MYCBP2: variants seen among roughly 807,000 people sequenced by gnomAD.
MYCBP2 encodes the protein E3 ubiquitin-protein ligase MYCBP2.
A neutral mutation model predicts 525.3 loss-of-function variants in MYCBP2; 120 were observed. That is an observed-to-expected ratio of 0.23 (90% CI 0.20 to 0.27). MYCBP2 has a LOEUF of 0.27. Ranked by LOEUF, MYCBP2 falls within the 10% of genes least tolerant of loss-of-function variation. MYCBP2 has a pLI of 1.00. For missense variants in MYCBP2, 4,149 were observed against 5,657.1 expected (o/e 0.73, Z 8.55); for synonymous variants, 1,894 against 1,955.8 (o/e 0.97, Z 0.83).
chr13:77,081,298 T>G lies in MYCBP2; in HGVS notation c.11418+129A>C. 1 of 760,284 alleles carries G rather than the reference T, an allele frequency of 1.3e-6. No homozygotes were observed. Among genetic ancestry groups the G allele is most frequent in the Non-Finnish European group, 2.2e-6 (1 of 456,054 alleles). 47.1% of individuals were successfully genotyped at this position (760,284 alleles called of 1,614,324 possible). A position where few individuals can be genotyped will look rare whatever the true frequency, so the allele number is the denominator to read the frequency against. On this transcript the variant is annotated intron_variant, in intron 65 of 82. Transcript: ENST00000544440. This position sits in a 1 kb window ranked among gnomAD's most constrained non-coding sequence, Gnocchi z 4.6. ...TTTAGACTTAAGATTTATTTGGGGA[T>G]TATAGCAATGATGTTTGGTTGGTGA...
At position 77,288,342 on chromosome 13, in the gene MYCBP2, T is replaced by C; in HGVS notation, c.413A>G (p.Asp138Gly). The C allele has an allele frequency of 6.2e-7, 1 of 1,614,018 alleles. No individual in the cohort carries two copies. Among genetic ancestry groups the C allele is most frequent in the Non-Finnish European group, 8.5e-7 (1 of 1,179,852 alleles). ...ENLENTVIIP[D>G]IKLHSNPSAF... ...AGAAGGATTGCTATGTAGTTTGATA[T>C]CTGGTATGATTACTGTATTCTCTAA... The change falls in exon 3 of 83, where the codon GAT becomes GGT. Residue 138 changes from aspartate (D) to glycine (G), a missense_variant. Asp to Gly is a moderately conservative substitution (Grantham distance 94, BLOSUM62 -1). Transcript: ENST00000544440.
rs949660548 is a variant in MYCBP2, at chr13:77,144,533, G to A, written c.7215C>T (p.Val2405=). 1 of 1,613,508 alleles carries A rather than the reference G, an allele frequency of 6.2e-7. No individual in the cohort carries two copies. ...TTGCACAATAAGTCCCATCATTATT[G>A]ACACGGATCAGCATATTCTCACTGG... The part of the protein sequence containing the change: ...KRPSENMLIR[V]NNDGTYCANW... Residue 2405 remains valine, a synonymous_variant, in exon 49 of 83, where the codon GTC becomes GTT. Transcript: ENST00000544440.
rs1446675209 is a variant in MYCBP2 at position 77,098,741 on chromosome 13, G to A, written c.8413C>T (p.Pro2805Ser). 7 of 1,613,354 alleles carry A rather than the reference G, an allele frequency of 4.3e-6. No homozygotes were observed. The highest frequency in any genetic ancestry group is 1.1e-5 in the South Asian group (1 of 91,058). Residue 2805 changes from proline to serine, a missense_variant, in exon 56 of 83, where the codon CCT becomes TCT. This residue lies in a region of MYCBP2 where 653 missense variants were observed against 744.7 expected (regional missense o/e 0.88). Transcript: ENST00000544440. ...LQTLKSDGRM[P>S]SSSRAESPGP... ...GGGGATTCAGCTCTGGAGCTAGAAG[G>A]CATCCTCCCATCAGATTTCAATGTC...
intron 20 of MYCBP2, among the ~76,000 whole-genome samples, chr13:77,220,674 G>A (rs1161142791): frequency 6.6e-6 from 1 of 152,008 alleles, no homozygotes; most frequent in African/African-American, 2.4e-5. Context: ...TTGCTTTGTT[G>A]TAGTTAATAC....
intron 62 of MYCBP2, 97 bp downstream of exon 62, chr13:77,087,387 G>C (rs1259089549): frequency 1.0e-5 from 11 of 1,060,754 alleles, no homozygotes; most frequent in Non-Finnish European, 9.6e-6. Flanking sequence ...TTTCAAGTTA[G>C]ATCTGCGAAT....
chr13:77,089,968 G>T, intron 60 of MYCBP2, 138 bp downstream of exon 60: 1 of 682,034 alleles, frequency 1.5e-6, no homozygotes, highest in Non-Finnish European at 2.3e-6. Flanking sequence ...CATATAGAAG[G>T]AATGTCAATC....
At chr13:77,132,256 G>C (rs1485478434) in intron 52 of MYCBP2, among the ~76,000 whole-genome samples, 1 of 152,064 alleles carries the variant, frequency 6.6e-6, no homozygotes, top group Non-Finnish European at 1.5e-5. Context: ...AGGAAATCTG[G>C]GGTATGTTAA....
chr13:77,278,878 A>G lies in MYCBP2; in HGVS notation c.628T>C (p.Leu210=), dbSNP rs2075899211. 1 of 1,594,830 alleles carries G rather than the reference A, an allele frequency of 6.3e-7. No homozygotes were observed. Among genetic ancestry groups the G allele is most frequent in the Non-Finnish European group, 8.5e-7 (1 of 1,171,500 alleles). The change falls in exon 4 of 83, where the codon TTG becomes CTG. Residue 210 remains leucine (L), a synonymous_variant. Coordinates refer to ENST00000544440, the MANE Select transcript of MYCBP2 (RefSeq NM_015057.5). ...TGAGAAAATCGTGTCTCTTTGATCA[A>G]TTCAAAAACTTCACAAAGGCCAACC... The part of the protein sequence containing the change: ...IEVGLCEVFE[L]IKETRFSHPS...
chr13:77,233,114 T>C lies in MYCBP2; in HGVS notation c.2737+42A>G, dbSNP rs372713519. On this transcript the variant is annotated intron_variant, in intron 18 of 82. Coordinates refer to ENST00000544440, the MANE Select transcript of MYCBP2 (RefSeq NM_015057.5). ...ACAAAATTCAAATGAGTGGAAGAAA[T>C]TGGGAAAGTATCCCACCTAGGTGAT... 3.1e-5 allele frequency: 48 copies of C among 1,528,788 alleles called. 1 individual carries two copies. The highest frequency in any genetic ancestry group is 1.4e-4 in the East Asian group (6 of 44,290). 94.7% of individuals were successfully genotyped at this position (1,528,788 alleles called of 1,614,324 possible). A position where few individuals can be genotyped will look rare whatever the true frequency, so the allele number is the denominator to read the frequency against.
rs568314216 is a variant in MYCBP2 at position 77,125,122 on chromosome 13, C to T, written c.8017+214G>A. On this transcript the variant is annotated intron_variant, in intron 54 of 82. Transcript: ENST00000544440. ...TTTATAAAGATGAGTCTATATGTTT[C>T]GAATTTTCTTTTAATTTTCTTCTTT... Among the ~76,000 whole-genome samples, 32 of 152,200 alleles carry T rather than the reference C, an allele frequency of 2.1e-4. No homozygotes were observed. The East Asian group carries it at 5.2e-3, about 25-fold the overall frequency.
At chr13:77,064,074 A>G (rs1055961481) in intron 73 of MYCBP2, among the ~76,000 whole-genome samples, 13 of 152,200 alleles carry the variant, frequency 8.5e-5, no homozygotes, top group African/African-American at 3.1e-4. Flanking sequence ...CTAGCAGGTT[A>G]AAACTTACTA....
chr13:77,322,437 G>C (rs771215084), intron 1 of MYCBP2, among the ~76,000 whole-genome samples: 1 of 152,008 alleles, frequency 6.6e-6, no homozygotes, highest in Non-Finnish European at 1.5e-5. Flanking sequence ...TTACCATATA[G>C]TCAAACACTG....
chr13:77,125,531 C>A (rs1342826647), intron 53 of MYCBP2, 63 bp from the exon 54 acceptor site: 1 of 1,581,438 alleles, frequency 6.3e-7, no homozygotes, highest in Non-Finnish European at 8.6e-7. Flanking sequence ...AGTCTGAAAA[C>A]CAGTAAAAAT....
intron 10 of MYCBP2, among the ~76,000 whole-genome samples, chr13:77,263,257 G>C: frequency 6.6e-6 from 1 of 151,900 alleles, no homozygotes; most frequent in East Asian, 1.9e-4. Context: ...ATTTCAACGA[G>C]AGAACTATGT....
At chr13:77,294,104 C>CTATATA (rs1197370334) in intron 2 of MYCBP2, among the ~76,000 whole-genome samples, 5,554 of 41,382 alleles carry the variant, frequency 0.13, 619 homozygotes, top group Middle Eastern at 0.17. Context: ...GATATAATGG[C>CTATATA]TATATATATA....
At chr13:77,099,913 G>T (rs1028156969) in intron 55 of MYCBP2, 2 of 152,030 alleles carry the variant, frequency 1.3e-5, no homozygotes, top group South Asian at 2.1e-4. Flanking sequence ...TCTATTTTAT[G>T]CTTTTCTTTG....
Position 77,068,802 on chromosome 13 carries a change from G to A in MYCBP2, c.11934C>T (p.Arg3978=). ...CTTCACGGACTCTGGTAGCTTCCAT[G>A]CGAATAGCTTGGACAATATGAGCAC... ...QVCAHIVQAI[R]MEATRVREEW... is the part of the protein sequence containing the mutation. Residue 3978 remains arginine (R), a synonymous_variant, in exon 70 of 83, where the codon CGC becomes CGT. Coordinates refer to ENST00000544440, the MANE Select transcript of MYCBP2 (RefSeq NM_015057.5). 2 of 1,614,084 alleles carry A rather than the reference G, an allele frequency of 1.2e-6. No homozygotes were observed. The highest frequency in any genetic ancestry group is 2.2e-5 in the South Asian group (2 of 91,078).
Position 77,261,255 on chromosome 13 carries a change from C to T in MYCBP2, c.1768G>A (p.Asp590Asn), listed in dbSNP as rs2073215679. The T allele has an allele frequency of 1.2e-6, 2 of 1,613,634 alleles. No individual in the cohort carries two copies. Among genetic ancestry groups the T allele is most frequent in the South Asian group, 1.1e-5 (1 of 91,056 alleles). ...PKIVHFSVGH[D>N]GSHALLVAED... ...GCAACTAAAAGGGCGTGAGAGCCATCGTGTCCAACTGAGAAGTGTACTATC... is the reference window on the plus strand; with the variant it reads ...GCAACTAAAAGGGCGTGAGAGCCATTGTGTCCAACTGAGAAGTGTACTATC... The change falls in exon 12 of 83, where the codon GAT (aspartate) becomes AAT (asparagine). Residue 590 changes from aspartate to asparagine, a missense_variant. By Grantham distance (23) the Asp-to-Asn change is conservative. Around this residue, in one of 21 missense-constraint regions of MYCBP2, gnomAD observed 262 missense variants for 419.3 expected, o/e 0.62. Transcript: ENST00000544440.
In MYCBP2 at chr13:77,181,777, T is replaced by G; in HGVS notation, c.4865A>C (p.Gln1622Pro). ...TGTTGAGTCGTTCTCTGTACTAACT[T>G]GTTTAACAATTGATCGTAGTAATAC... ...GEVLLRSIVK[Q>P]VSTENDSTLV... The change falls in exon 33 of 83, where the codon CAA becomes CCA. Residue 1622 changes from glutamine to proline, a missense_variant. Gln to Pro is a moderately conservative substitution (Grantham distance 76). Around this residue, in one of 21 missense-constraint regions of MYCBP2, gnomAD observed 292 missense variants for 330.5 expected, o/e 0.88. Transcript: ENST00000544440. 1 of 1,614,130 alleles carries G rather than the reference T, an allele frequency of 6.2e-7. No homozygotes were observed. The highest frequency in any genetic ancestry group is 8.5e-7 in the Non-Finnish European group (1 of 1,179,994).
Sources: gnomAD v4.1 joint callset for allele counts (sites outside exome capture counted in the v4.1 genomes callset) on GRCh38, gnomAD v4.1.1 for gene constraint, gnomAD v4.1.1 regional missense constraint, Gnocchi (gnomAD v3.1) non-coding constraint, MANE v1.5 for transcripts, NCBI Gene and HGNC (gene_info 2026-07-23, HGNC 2026-07-21) for gene names.